XYLT2: variants seen among roughly 807,000 people sequenced by gnomAD.
The protein encoded by XYLT2 is xylosyltransferase 2, also known as UDP-D-xylose:proteoglycan core protein beta-D-xylosyltransferase.
A neutral mutation model predicts 82.6 loss-of-function variants in XYLT2; 37 were observed. The ratio of observed to expected loss-of-function variants is 0.45; its 90% CI spans 0.34 to 0.59. XYLT2 has a LOEUF of 0.59. XYLT2 is among the 20% of genes least tolerant of loss of function. The pLI, the probability that XYLT2 is intolerant of heterozygous loss-of-function variation, is 0.01. For missense variants in XYLT2, 934 were observed against 1,181.3 expected, an observed-to-expected ratio of 0.79 and a Z score of 3.07; for synonymous variants, 474 against 499.0, an observed-to-expected ratio of 0.95 and a Z score of 0.67.
At chr17:50,347,030 A>G (rs1912071901) in intron 1 of XYLT2, 1 of 715,700 alleles carries the variant, frequency 1.4e-6, no homozygotes, top group Non-Finnish European at 1.7e-6. Flanking sequence ...GAGCAGGGGC[A>G]ACCAACAGCC....
chr17:50,354,780 C>T (rs1483172031), intron 3 of XYLT2, 74 bp from the exon 4 acceptor site: 2 of 1,593,988 alleles, frequency 1.3e-6, no homozygotes, highest in African/African-American at 1.3e-5. Context: ...TCTTGTGTCC[C>T]TTCACTCTGT....
Position 50,360,955 on chromosome 17 carries a change from C to T in XYLT2, c.*664C>T. On this transcript the variant is annotated 3_prime_UTR_variant, in exon 11 of 11. Transcript: ENST00000017003. Reference sequence around the variant, plus strand: ...TCCAGGGCTTTCCAGCATACCCTGCCCCTGGATGGGAAAGGCAGGGTCAGG... The same window carrying T: ...TCCAGGGCTTTCCAGCATACCCTGCTCCTGGATGGGAAAGGCAGGGTCAGG... The T allele has an allele frequency of 1.0e-6, 1 of 985,908 alleles. No individual in the cohort carries two copies. Among genetic ancestry groups the T allele is most frequent in the South Asian group, 4.7e-5 (1 of 21,280 alleles). 61.1% of individuals were successfully genotyped at this position (985,908 alleles called of 1,614,324 possible). A position where few individuals can be genotyped will look rare whatever the true frequency, so the allele number is the denominator to read the frequency against.
At chr17:50,354,712 G>T in intron 3 of XYLT2, 129 bp downstream of exon 3, 1 of 1,518,238 alleles carries the variant, frequency 6.6e-7, no homozygotes, top group South Asian at 1.2e-5. Flanking sequence ...ACAGGGGAGT[G>T]GCAGCACGAG....
At chr17:50,356,477 G>A in intron 7 of XYLT2, 34 bp from the exon 8 acceptor site, 1 of 1,607,598 alleles carries the variant, frequency 6.2e-7, no homozygotes, top group Non-Finnish European at 8.5e-7. Context: ...GGGGCTTCCA[G>A]AGCCCTTCAC....
chr17:50,354,007 T>C lies in XYLT2; in HGVS notation c.513T>C (p.Ser171=). The change falls in exon 2 of 11, where the codon TCT becomes TCC. Residue 171 remains serine (S), a synonymous_variant. Coordinates refer to ENST00000017003, the MANE Select transcript of XYLT2 (RefSeq NM_022167.4). ...KCEIVGKDAL[S]ALARASTKQC... ...AGATCGTGGGCAAGGACGCACTGTC[T>C]GCACTGGCCCGGGCCAGCACCAAGC... 1 of 1,607,274 alleles carries C rather than the reference T, an allele frequency of 6.2e-7. No individual in the cohort carries two copies. The highest frequency in any genetic ancestry group is 8.5e-7 in the Non-Finnish European group (1 of 1,179,906).
At position 50,346,546 on chromosome 17, in the gene XYLT2, T is replaced by C. The variant is rs1735109261; in HGVS notation, c.135+271T>C. 3.2e-6 allele frequency: 3 copies of C among 945,884 alleles called. No individual in the cohort carries two copies. Among genetic ancestry groups the C allele is most frequent in the Non-Finnish European group, 2.5e-6 (2 of 794,142 alleles). The allele number at this position is 945,884 out of a possible 1,614,324, so 58.6% of individuals were successfully genotyped here. A position where few individuals can be genotyped will look rare whatever the true frequency, so the allele number is the denominator to read the frequency against. On this transcript the variant is annotated intron_variant, in intron 1 of 10. Coordinates refer to ENST00000017003, the MANE Select transcript of XYLT2 (RefSeq NM_022167.4). This position sits in a 1 kb window ranked among gnomAD's most constrained non-coding sequence, Gnocchi z 5.1. ...GGGGGAGCAGGTCATGCTAGGGTGG[T>C]CTCCGGCCAAGGGAGCGATGAAGGT...
At chr17:50,349,186 G>A (rs970839565) in intron 1 of XYLT2, among the ~76,000 whole-genome samples, 13 of 152,220 alleles carry the variant, frequency 8.5e-5, no homozygotes, top group South Asian at 2.1e-4. Context: ...CACTGATACT[G>A]GCTTCCACTC....
intron 9 of XYLT2, chr17:50,357,944 T>G (rs967439652): frequency 2.1e-6 from 1 of 474,850 alleles, no homozygotes; most frequent in South Asian, 3.9e-5. Context: ...GGCAGGACTT[T>G]GAACCTCATC....
In XYLT2 at chr17:50,356,586, T is replaced by C; in HGVS notation, c.1558T>C (p.Phe520Leu). Residue 520 changes from phenylalanine (F) to leucine (L), a missense_variant, in exon 8 of 11, where the codon TTC becomes CTC. Physicochemically the swap from Phe to Leu is conservative, Grantham distance 22. Transcript: ENST00000017003. Reference protein sequence around the residue: ...VNQEVLEILDFHLYGSYPPGT... With the variant: ...VNQEVLEILDLHLYGSYPPGT... ...CCAGGAGGTGCTGGAAATCCTGGAC[T>C]TCCACCTGTATGGCAGCTACCCCCC... 6.2e-7 allele frequency: 1 copy of C among 1,614,122 alleles called. No homozygotes were observed. The highest frequency in any genetic ancestry group is 1.1e-5 in the South Asian group (1 of 91,082).
Position 50,346,183 on chromosome 17 carries a change from A to G in XYLT2, c.43A>G (p.Lys15Glu), listed in dbSNP as rs1912025394. Residue 15 changes from lysine to glutamate, a missense_variant, in exon 1 of 11, where the codon AAG becomes GAG. Lys to Glu is a moderately conservative substitution (Grantham distance 56). Transcript: ENST00000017003. This position sits in a 1 kb window ranked among gnomAD's most constrained non-coding sequence, Gnocchi z 5.1. ...AGTGCAGAAGCTGGTGCGGCGCTAC[A>G]AGCTGGCGATTGCCACGGCGCTGGC... ...ARVQKLVRRYKLAIATALAIL... is the reference protein window; with the variant it reads ...ARVQKLVRRYELAIATALAIL... The G allele has an allele frequency of 7.8e-7, 1 of 1,288,136 alleles. No homozygotes were observed. Among genetic ancestry groups the G allele is most frequent in the Non-Finnish European group, 1.0e-6 (1 of 991,648 alleles). 79.8% of individuals were successfully genotyped at this position (1,288,136 alleles called of 1,614,324 possible). A position where few individuals can be genotyped will look rare whatever the true frequency, so the allele number is the denominator to read the frequency against.
chr17:50,346,452 C>T lies in XYLT2; in HGVS notation c.135+177C>T. 1 of 872,018 alleles carries T rather than the reference C, an allele frequency of 1.1e-6. No homozygotes were observed. Among genetic ancestry groups the T allele is most frequent in the Non-Finnish European group, 1.4e-6 (1 of 726,344 alleles). The allele number at this position is 872,018 out of a possible 1,614,324, so 54.0% of individuals were successfully genotyped here. On this transcript the variant is annotated intron_variant, in intron 1 of 10. Coordinates refer to ENST00000017003, the MANE Select transcript of XYLT2 (RefSeq NM_022167.4). The surrounding 1 kb of genome is among the most constrained non-coding windows in gnomAD (Gnocchi z 5.1). ...CCCGGCACTCCCTTCCCCAGCAGGCCTAGGGAGCTGCGCGCGGGGGCAGTG... is the reference window on the plus strand; with the variant it reads ...CCCGGCACTCCCTTCCCCAGCAGGCTTAGGGAGCTGCGCGCGGGGGCAGTG...
intron 1 of XYLT2, among the ~76,000 whole-genome samples, chr17:50,348,865 A>C (rs1912143307): frequency 6.6e-6 from 1 of 152,214 alleles, no homozygotes; most frequent in Non-Finnish European, 1.5e-5. Flanking sequence ...CTCAGTCATC[A>C]GAAGGGCTCC....
Position 50,356,609 on chromosome 17 carries a change from C to G in XYLT2, c.1581C>G (p.Pro527=), listed in dbSNP as rs377456488. The change falls in exon 8 of 11, where the codon CCC becomes CCG. Residue 527 remains proline, a synonymous_variant. Transcript: ENST00000017003. ...ILDFHLYGSY[P]PGTPALKAYW... ...ACTTCCACCTGTATGGCAGCTACCCCCCCGGCACGCCAGCCCTCAAGGCCT... is the reference window on the plus strand; with the variant it reads ...ACTTCCACCTGTATGGCAGCTACCCGCCCGGCACGCCAGCCCTCAAGGCCT... The G allele has an allele frequency of 1.1e-5, 18 of 1,614,156 alleles. No homozygotes were observed. The highest frequency in any genetic ancestry group is 1.6e-4 in the Middle Eastern group (1 of 6,062).
intron 9 of XYLT2, chr17:50,357,782 A>G (rs1912612743): frequency 5.9e-6 from 1 of 170,140 alleles, no homozygotes; most frequent in African/African-American, 2.4e-5. Flanking sequence ...GGGTTTCACC[A>G]TGTTGACCAG....
In XYLT2 at chr17:50,360,100, C is replaced by G; in HGVS notation, c.2407C>G (p.Leu803Val). The G allele has an allele frequency of 6.2e-7, 1 of 1,613,964 alleles. No individual in the cohort carries two copies. The highest frequency in any genetic ancestry group is 8.5e-7 in the Non-Finnish European group (1 of 1,179,976). Residue 803 changes from leucine to valine, a missense_variant, in exon 11 of 11, where the codon CTC becomes GTC. This residue lies in a region of XYLT2 where 374 missense variants were observed against 465.6 expected (regional missense o/e 0.80). Coordinates refer to ENST00000017003, the MANE Select transcript of XYLT2 (RefSeq NM_022167.4). Reference protein sequence around the residue: ...AEEAAQRHTQLTGPALEAWTD... With the variant: ...AEEAAQRHTQVTGPALEAWTD... Reference sequence around the variant, plus strand: ...GGAGGCTGCCCAGCGGCACACACAGCTCACAGGCCCTGCGCTCGAGGCCTG... The same window carrying G: ...GGAGGCTGCCCAGCGGCACACACAGGTCACAGGCCCTGCGCTCGAGGCCTG...
At chr17:50,353,486 G>A (rs1211674614) in intron 1 of XYLT2, 144 bp from the exon 2 acceptor site, 15 of 1,298,166 alleles carry the variant, frequency 1.2e-5, no homozygotes, top group South Asian at 3.2e-5. Context: ...CTGATTGTGC[G>A]GAGTCCTTAG....
chr17:50,355,969 T>C lies in XYLT2; in HGVS notation c.1277T>C (p.Phe426Ser). ...CCGCTTGTGGCCCAGCTGCGCCAGT[T>C]CTACACATACACACTGCTCCCAGCC... is the stretch of plus-strand genomic sequence containing the variant. ...DDPLVAQLRQFYTYTLLPAES... is the reference protein window; with the variant it reads ...DDPLVAQLRQSYTYTLLPAES... The change falls in exon 6 of 11, where the codon TTC becomes TCC. Residue 426 changes from phenylalanine to serine, a missense_variant. By Grantham distance (155) the Phe-to-Ser change is radical. Around this residue, in one of 3 missense-constraint regions of XYLT2, gnomAD observed 189 missense variants for 320.8 expected, o/e 0.59. Transcript: ENST00000017003. 6.2e-7 allele frequency: 1 copy of C among 1,614,220 alleles called. No homozygotes were observed. Among genetic ancestry groups the C allele is most frequent in the Non-Finnish European group, 8.5e-7 (1 of 1,180,028 alleles).
In XYLT2 at chr17:50,353,435, C is replaced by A. The variant is rs991139306; in HGVS notation, c.136-195C>A. 2.0e-5 allele frequency among the ~76,000 whole-genome samples: 3 copies of A among 152,154 alleles called. No homozygotes were observed. The East Asian group carries it at 5.8e-4, about 29-fold the overall frequency. On this transcript the variant is annotated intron_variant, in intron 1 of 10. Coordinates refer to ENST00000017003, the MANE Select transcript of XYLT2 (RefSeq NM_022167.4). ...TGGTATGATGGAGGGAGGCCCAGTG[C>A]GCCCTCAGTGGCTGGCCAGGGAGGT...
Position 50,354,008 on chromosome 17 carries a change from GC to G in XYLT2, c.515del (p.Ala172AspfsTer37). 6.2e-7 allele frequency: 1 copy of G among 1,607,240 alleles called. No individual in the cohort carries two copies. Among genetic ancestry groups the G allele is most frequent in the Non-Finnish European group, 8.5e-7 (1 of 1,179,924 alleles). On this transcript the variant is annotated frameshift_variant, in exon 2 of 11. Transcript: ENST00000017003. LOFTEE classifies it high-confidence loss of function. ...GATCGTGGGCAAGGACGCACTGTCT[GC>G]ACTGGCCCGGGCCAGCACCAAGCAG... is the stretch of plus-strand genomic sequence containing the variant. Reference protein sequence around the residue: ...CEIVGKDALSALARASTKQCQ... With the variant: ...CEIVGKDALSXLARASTKQCQ...
Sources: gnomAD v4.1 joint callset for allele counts (sites outside exome capture counted in the v4.1 genomes callset) on GRCh38, gnomAD v4.1.1 for gene constraint, gnomAD v4.1.1 regional missense constraint, Gnocchi (gnomAD v3.1) non-coding constraint, MANE v1.5 for transcripts, NCBI Gene and HGNC (gene_info 2026-07-23, HGNC 2026-07-21) for gene names.